The following PLXNB3 variants were observed in gnomAD, a reference collection of about 807,000 sequenced individuals.
PLXNB3 encodes the protein plexin B3.
PLXNB3 carries 80 observed loss-of-function variants against 125.7 expected under a neutral mutation model. That is an observed-to-expected ratio of 0.64 (90% CI 0.53 to 0.77). The LOEUF (loss-of-function observed/expected upper bound fraction) is 0.77, where lower values mean the gene tolerates loss of function less well. PLXNB3 is among the 30% of genes least tolerant of loss of function. PLXNB3 has a pLI of 0.00. For missense variants in PLXNB3, 1,836 were observed against 1,729.3 expected (o/e 1.06, Z -1.09); for synonymous variants, 954 against 783.3 (o/e 1.22, Z -3.64).
At chrX:153,768,766 T>C (rs1231443615) in intron 4 of PLXNB3, among the ~76,000 whole-genome samples, 182 bp from the exon 5 acceptor site, 1 of 112,169 alleles carries the variant, frequency 8.9e-6, no homozygotes, top group Non-Finnish European at 1.9e-5. Context: ...GGTGTCATGG[T>C]TCCCTGGAGA....
In PLXNB3 at chrX:153,779,098, G is replaced by A. The variant is rs891682502; in HGVS notation, c.*59G>A. The A allele has an allele frequency of 1.6e-5, 14 of 856,353 alleles. No individual in the cohort carries two copies. Among genetic ancestry groups the A allele is most frequent in the African/African-American group, 4.1e-5 (2 of 49,178 alleles). The allele number at this position is 856,353 out of a possible 1,213,427, so 70.6% of individuals were successfully genotyped here. On this transcript the variant is annotated 3_prime_UTR_variant, in exon 36 of 36. Transcript: ENST00000361971. ...CAACACCGCAGCGCCTTATGACCCC[G>A]GAACCGAGCCAGCCACTGAGGGGAG...
Position 153,765,524 on chromosome X carries a change from T to C in PLXNB3, c.-12T>C, listed in dbSNP as rs2091847690. The C allele has an allele frequency of 3.4e-6, 4 of 1,191,457 alleles. No individual in the cohort carries two copies. The East Asian group carries it at 1.2e-4, about 36-fold the overall frequency. On this transcript the variant is annotated 5_prime_UTR_variant, in exon 2 of 36. Coordinates refer to ENST00000361971, the MANE Select transcript of PLXNB3 (RefSeq NM_005393.3). ...CCCATCGCCACTGCCCTGGGGCAGC[T>C]GAACTGAGCGTATGTGCCACGCCGC...
chrX:153,773,218 C>A lies in PLXNB3; in HGVS notation c.2907-12C>A, dbSNP rs782484104. On this transcript the variant is annotated splice_polypyrimidine_tract_variant and intron_variant, in intron 17 of 35. Transcript: ENST00000361971. The stretch of plus-strand genomic sequence containing the variant: ...AGAGCCGAGATGAGAGACCCCACTA[C>A]CCATCCTGCAGCCTGGAGCCAGTGT... 1.1e-4 allele frequency: 131 copies of A among 1,193,229 alleles called. 1 individual carries two copies. In the South Asian group the frequency reaches 2.3e-3, roughly 21 times the overall value.
intron 28 of PLXNB3, 83 bp downstream of exon 28, chrX:153,776,542 AGGCAGGGCGGGGCTGGGGCGG>A (rs1557064377): frequency 0.029 from 238 of 8,304 alleles, 43 homozygotes; most frequent in African/African-American, 0.21. Flanking sequence ...GGGCGGGGCG[AGGCAGGGCGGGGCTGGGGCGG>A]GGCGAGGCAG....
chrX:153,773,037 C>T (rs782200826), intron 17 of PLXNB3, 21 bp downstream of exon 17: 2 of 1,153,998 alleles, frequency 1.7e-6, no homozygotes, highest in Admixed American at 2.8e-5. Context: ...GCCTGGCTGC[C>T]GTCGGGTGGT....
chrX:153,772,927 G>C lies in PLXNB3; in HGVS notation c.2817G>C (p.Gln939His). The C allele has an allele frequency of 8.5e-7, 1 of 1,178,537 alleles. No homozygotes were observed. Among genetic ancestry groups the C allele is most frequent in the Non-Finnish European group, 1.1e-6 (1 of 882,447 alleles). The change falls in exon 17 of 36, where the codon CAG (glutamine) becomes CAC (histidine). Residue 939 changes from glutamine (Q) to histidine (H), a missense_variant. Physicochemically the swap from Gln to His is conservative, Grantham distance 24. Transcript: ENST00000361971. ...LLSLSPRWGP[Q>H]AGGTQLTIRG... ...GCCTGAGTCCTCGCTGGGGCCCCCA[G>C]GCAGGGGGCACCCAGCTCACCATCC...
In PLXNB3 at chrX:153,767,883, C is replaced by T. The variant is rs1348771169; in HGVS notation, c.1056C>T (p.Gly352=). 2 of 1,106,311 alleles carry T rather than the reference C, an allele frequency of 1.8e-6. No individual in the cohort carries two copies. The highest frequency in any genetic ancestry group is 2.4e-6 in the Non-Finnish European group (2 of 846,451). 91.2% of individuals were successfully genotyped at this position (1,106,311 alleles called of 1,213,427 possible). ...SGAEEATVEY[G]VTSRCVTLPL... is the part of the protein sequence containing the mutation. Reference sequence around the variant, plus strand: ...CAGAGGAAGCCACCGTGGAGTACGGCGTCACGTCGCGCTGCGTCACCCTGC... The same window carrying T: ...CAGAGGAAGCCACCGTGGAGTACGGTGTCACGTCGCGCTGCGTCACCCTGC... The change falls in exon 3 of 36, where the codon GGC becomes GGT. Residue 352 remains glycine, a synonymous_variant. Transcript: ENST00000361971.
chrX:153,775,770 G>C (rs1230809612), intron 26 of PLXNB3, 110 bp downstream of exon 26: 4 of 1,088,104 alleles, frequency 3.7e-6, no homozygotes, highest in African/African-American at 3.6e-5. Flanking sequence ...GGCAAGGGGG[G>C]CTTTGGAAAG....
chrX:153,765,886 G>A, intron 2 of PLXNB3: 3 of 754,236 alleles, frequency 4.0e-6, no homozygotes, highest in Non-Finnish European at 4.7e-6. Context: ...CCAGAGAAGG[G>A]GCTGCTCCCA....
chrX:153,766,398 CTT>C (rs782109959), intron 2 of PLXNB3: 24 of 1,088,072 alleles, frequency 2.2e-5, no homozygotes, highest in Admixed American at 3.7e-5. Context: ...TTAGATCTCT[CTT>C]GTCTGGGTGG....
At chrX:153,766,329 G>A (rs1351186311) in intron 2 of PLXNB3, 8 of 1,151,849 alleles carry the variant, frequency 6.9e-6, no homozygotes, top group Non-Finnish European at 8.1e-6. Context: ...CCCAAGGCAG[G>A]TTTTCTCTCC....
At position 153,769,387 on chromosome X, in the gene PLXNB3, A is replaced by G. The variant is rs995059798; in HGVS notation, c.1496+125A>G. 1.3e-5 allele frequency: 7 copies of G among 521,543 alleles called. No homozygotes were observed. The East Asian group carries it at 2.6e-4, about 19-fold the overall frequency. 43.0% of individuals were successfully genotyped at this position (521,543 alleles called of 1,213,427 possible). A position where few individuals can be genotyped will look rare whatever the true frequency, so the allele number is the denominator to read the frequency against. ...CCTGTTGGAGAGACTCAGGGCCACC[A>G]CGGAGGTCACCCATCCTGCCCCATC... On this transcript the variant is annotated intron_variant, in intron 6 of 35. Coordinates refer to ENST00000361971, the MANE Select transcript of PLXNB3 (RefSeq NM_005393.3).
At position 153,775,229 on chromosome X, in the gene PLXNB3, TC is replaced by T; in HGVS notation, c.4162del (p.His1388ThrfsTer23). ...LNSKLFLLTL[I>X]HTLEEQPSFS... ...GAGCCTCCGACCCCTGCTCAGCTCATCCACACCCTGGAGGAGCAGCCCAGCT... is the reference window on the plus strand; with the variant it reads ...GAGCCTCCGACCCCTGCTCAGCTCATCACACCCTGGAGGAGCAGCCCAGCT... On this transcript the variant is annotated frameshift_variant, in exon 25 of 36. Transcript: ENST00000361971. LOFTEE classifies it high-confidence loss of function. 1 of 1,181,696 alleles carries T rather than the reference TC, an allele frequency of 8.5e-7. No homozygotes were observed. Among genetic ancestry groups the T allele is most frequent in the Non-Finnish European group, 1.1e-6 (1 of 880,420 alleles).
Position 153,769,879 on chromosome X carries a change from C to T in PLXNB3, c.1569C>T (p.Ser523=). The change falls in exon 7 of 36, where the codon AGC becomes AGT. Residue 523 remains serine (S), a synonymous_variant. Coordinates refer to ENST00000361971, the MANE Select transcript of PLXNB3 (RefSeq NM_005393.3). ...NQWLWSYEED[S]HCLHIQSLLP... ...GGCTGTGGAGTTATGAGGAGGACAG[C>T]CACTGCCTGCACATCCAGAGCCTGC... The T allele has an allele frequency of 8.3e-7, 1 of 1,207,998 alleles. No homozygotes were observed. Among genetic ancestry groups the T allele is most frequent in the Non-Finnish European group, 1.1e-6 (1 of 894,206 alleles).
Position 153,773,647 on chromosome X carries a change from G to A in PLXNB3, c.3213G>A (p.Arg1071=). 8.4e-7 allele frequency: 1 copy of A among 1,192,232 alleles called. No homozygotes were observed. Among genetic ancestry groups the A allele is most frequent in the Non-Finnish European group, 1.1e-6 (1 of 886,150 alleles). ...SRAQPQDPQP[R]RSCGAPAADP... ...CCCAGCCCCAGGACCCACAGCCAAG[G>A]AGGAGCTGTGGAGCCCCTGCTGCGG... Residue 1071 remains arginine (R), a synonymous_variant, in exon 19 of 36, where the codon AGG becomes AGA. Coordinates refer to ENST00000361971, the MANE Select transcript of PLXNB3 (RefSeq NM_005393.3).
chrX:153,774,351 C>A lies in PLXNB3; in HGVS notation c.3678+7C>A. 3.5e-6 allele frequency: 4 copies of A among 1,156,290 alleles called. No individual in the cohort carries two copies. Among genetic ancestry groups the A allele is most frequent in the African/African-American group, 1.8e-5 (1 of 56,915 alleles). On this transcript the variant is annotated splice_region_variant and intron_variant, in intron 21 of 35. Coordinates refer to ENST00000361971, the MANE Select transcript of PLXNB3 (RefSeq NM_005393.3). ...CGGCCTGCCACAGTTCGTGGTGAGTCCGTGCCCTGGGTGGGCAGGTGGACC... is the reference window on the plus strand; with the variant it reads ...CGGCCTGCCACAGTTCGTGGTGAGTACGTGCCCTGGGTGGGCAGGTGGACC...
rs1557064219 is a variant in PLXNB3, at chrX:153,776,347, T to A, written c.4730-9T>A. The A allele has an allele frequency of 8.6e-7, 1 of 1,163,384 alleles. No homozygotes were observed. Among genetic ancestry groups the A allele is most frequent in the Admixed American group, 2.2e-5 (1 of 44,894 alleles). ...GCTGTAGACTATCTGCTTCCCTGAC[T>A]CCCTCCAGAGTGGCGCTCAGGCCTG... On this transcript the variant is annotated splice_polypyrimidine_tract_variant and intron_variant, in intron 27 of 35. Transcript: ENST00000361971.
chrX:153,770,446 C>T lies in PLXNB3; in HGVS notation c.1895C>T (p.Pro632Leu), dbSNP rs372331714. Reference protein sequence around the residue: ...SAVQALEAAAPCRACVGSIWR... With the variant: ...SAVQALEAAALCRACVGSIWR... ...GTCCAGGCCTTGGAGGCGGCTGCCC[C>T]GTGAGTCCCTGGGCCTGCCTCCTGG... Residue 632 changes from proline to leucine, a missense_variant and splice_region_variant, in exon 9 of 36, where the codon CCG (proline) becomes CTG (leucine). Physicochemically the swap from Pro to Leu is moderately conservative, Grantham distance 98 (BLOSUM62 -3). Coordinates refer to ENST00000361971, the MANE Select transcript of PLXNB3 (RefSeq NM_005393.3). 7.5e-6 allele frequency: 9 copies of T among 1,204,565 alleles called. No individual in the cohort carries two copies. Among genetic ancestry groups the T allele is most frequent in the African/African-American group, 1.7e-5 (1 of 57,499 alleles).
At chrX:153,771,146 C>A (rs1457586176) in intron 12 of PLXNB3, 65 bp downstream of exon 12, 3 of 1,025,808 alleles carry the variant, frequency 2.9e-6, no homozygotes, top group Non-Finnish European at 4.1e-6. Context: ...GGTCTGCCAT[C>A]TTTGTGGAGA....
Sources: gnomAD v4.1 joint callset for allele counts (sites outside exome capture counted in the v4.1 genomes callset) on GRCh38, gnomAD v4.1.1 for gene constraint, MANE v1.5 for transcripts, NCBI Gene and HGNC (gene_info 2026-07-23, HGNC 2026-07-21) for gene names.